FAM184B: variants seen among roughly 807,000 people sequenced by gnomAD.
FAM184B encodes protein FAM184B.
In FAM184B, 111 loss-of-function variants were observed where a neutral mutation model predicts 135.9. The ratio of observed to expected loss-of-function variants is 0.82; its 90% confidence interval spans 0.70 to 0.96. The LOEUF is 0.96. Ranked by LOEUF, FAM184B falls within the 40% of genes least tolerant of loss-of-function variation. The pLI is 0.00. For missense variants in FAM184B, 1,375 were observed against 1,323.9 expected (o/e 1.04, Z -0.60); for synonymous variants, 552 against 524.8 (o/e 1.05, Z -0.71).
intron 7 of FAM184B, among the ~76,000 whole-genome samples, chr4:17,679,443 G>A (rs1318221046): frequency 2.6e-5 from 4 of 152,054 alleles, no homozygotes; most frequent in African/African-American, 7.2e-5. Flanking sequence ...TAATGATCAC[G>A]GAAATGCAAA....
intron 12 of FAM184B, 97 bp from the exon 13 acceptor site, chr4:17,642,325 G>A: frequency 1.5e-6 from 2 of 1,378,772 alleles, no homozygotes; most frequent in African/African-American, 1.5e-5. Flanking sequence ...GAGACCCACT[G>A]GCACCCCGCC....
chr4:17,755,175 C>T (rs1405767712), intron 1 of FAM184B, among the ~76,000 whole-genome samples: 1 of 152,004 alleles, frequency 6.6e-6, no homozygotes, highest in Non-Finnish European at 1.5e-5. Context: ...TCTTTTATAC[C>T]TCAATTTGAA....
In FAM184B at chr4:17,781,115, C is replaced by A. The variant is rs554458093; in HGVS notation, c.141+44G>T. 2.8e-5 allele frequency: 41 copies of A among 1,465,730 alleles called. No homozygotes were observed. Among genetic ancestry groups the A allele is most frequent in the South Asian group, 2.3e-4 (16 of 70,316 alleles). The allele number at this position is 1,465,730 out of a possible 1,614,324, so 90.8% of individuals were successfully genotyped here. On this transcript the variant is annotated intron_variant, in intron 1 of 17. Transcript: ENST00000265018. This position sits in a 1 kb window ranked among gnomAD's most constrained non-coding sequence, Gnocchi z 6.5. Reference sequence around the variant, plus strand: ...CATCCGCACTGACTCCCGGCTCGGGCGCCCCGGGCGTGCAGCTCGCTGGCC... The same window carrying A: ...CATCCGCACTGACTCCCGGCTCGGGAGCCCCGGGCGTGCAGCTCGCTGGCC...
Position 17,725,343 on chromosome 4 carries a change from C to T in FAM184B, c.142-15699G>A, listed in dbSNP as rs541211935. Among the ~76,000 whole-genome samples the T allele has an allele frequency of 7.9e-5, 12 of 152,316 alleles. No homozygotes were observed. The South Asian group carries it at 8.3e-4, about 11-fold the overall frequency. ...GATGTGTTATGTGCAAGTGGATTTA[C>T]GCAGTGCTGCCTGGGAAAAAGAGGC... On this transcript the variant is annotated intron_variant, in intron 1 of 17. Coordinates refer to ENST00000265018, the MANE Select transcript of FAM184B (RefSeq NM_015688.2).
intron 1 of FAM184B, among the ~76,000 whole-genome samples, chr4:17,738,882 C>T (rs908051479): frequency 3.3e-5 from 5 of 152,146 alleles, no homozygotes; most frequent in Non-Finnish European, 5.9e-5. Context: ...CCCCTCCCTT[C>T]TCACTCGTTT....
chr4:17,632,038 T>A lies in FAM184B; in HGVS notation c.*494A>T. The A allele has an allele frequency of 6.9e-6, 1 of 145,512 alleles. No homozygotes were observed. Among genetic ancestry groups the A allele is most frequent in the Admixed American group, 7.1e-5 (1 of 14,110 alleles). The allele number at this position is 145,512 out of a possible 1,614,324, so 9.0% of individuals were successfully genotyped here. A position where few individuals can be genotyped will look rare whatever the true frequency, so the allele number is the denominator to read the frequency against. ...ATGACTTTTAATAACACTGGTTTAA[T>A]GTCAATTTTTTTTTTTTTTTTTTTT... On this transcript the variant is annotated 3_prime_UTR_variant, in exon 18 of 18. Transcript: ENST00000265018.
Position 17,655,405 on chromosome 4 carries a change from C to T in FAM184B, c.2038-2422G>A, listed in dbSNP as rs75662564. 1.3e-3 allele frequency among the ~76,000 whole-genome samples: 192 copies of T among 152,248 alleles called. 2 individuals are homozygous for T. Among genetic ancestry groups the T allele is most frequent in the African/African-American group, 4.6e-3 (191 of 41,556 alleles). On this transcript the variant is annotated intron_variant, in intron 10 of 17. Transcript: ENST00000265018. The stretch of plus-strand genomic sequence containing the variant: ...CACTCACTTGCTCAGGAGCCCTTGG[C>T]AGTGAGGATCACACAGGGTGCAGCA...
intron 5 of FAM184B, among the ~76,000 whole-genome samples, chr4:17,694,593 A>G (rs1716812347): frequency 6.6e-6 from 1 of 152,184 alleles, no homozygotes; most frequent in African/African-American, 2.4e-5. Flanking sequence ...AAATTGTGCA[A>G]GTATCTAGAG....
chr4:17,632,695 CT>C, intron 17 of FAM184B, 70 bp from the exon 18 acceptor site: 1 of 1,015,240 alleles, frequency 9.8e-7, no homozygotes, highest in East Asian at 2.7e-5. Context: ...TACCCACCAT[CT>C]TTTCAGGGAA....
chr4:17,742,168 A>ATATTTTT (rs1459958150), intron 1 of FAM184B, among the ~76,000 whole-genome samples: 4 of 109,308 alleles, frequency 3.7e-5, no homozygotes, highest in African/African-American at 1.9e-4. Context: ...ATATATATAT[A>ATATTTTT]TTTTTTTTTT....
At chr4:17,695,685 T>C (rs11722170) in intron 5 of FAM184B, among the ~76,000 whole-genome samples, 147,932 of 152,182 alleles carry the variant, frequency 0.97, 72,032 homozygotes, top group East Asian at 1. Context: ...AGGATGACAC[T>C]AGGAGAGAAT....
Position 17,640,018 on chromosome 4 carries a change from C to CG in FAM184B, c.2520-623dup, listed in dbSNP as rs1419768339. On this transcript the variant is annotated intron_variant, in intron 13 of 17. Transcript: ENST00000265018. ...CAATTTTTTGTATTTTTAGTAAAGA[C>CG]GGGGGGTTTCACCATGTTGGCCAGG... Among the ~76,000 whole-genome samples, 57 of 151,264 alleles carry CG rather than the reference C, an allele frequency of 3.8e-4. 2 individuals carry two copies. In the East Asian group the frequency reaches 7.7e-3, roughly 20 times the overall value.
At position 17,647,801 on chromosome 4, in the gene FAM184B, G is replaced by GGA; in HGVS notation, c.2192-12_2192-11dup. The GGA allele has an allele frequency of 6.5e-7, 1 of 1,548,482 alleles. No homozygotes were observed. Among genetic ancestry groups the GGA allele is most frequent in the Non-Finnish European group, 8.7e-7 (1 of 1,145,826 alleles). ...TCCTGTCTGAGCGACTCTGGAAAAGGGAGAGCAGCAGTGAGTTAGGCGTTG... is the reference window on the plus strand; with the variant it reads ...TCCTGTCTGAGCGACTCTGGAAAAGGGAGAGAGCAGCAGTGAGTTAGGCGTTG... On this transcript the variant is annotated splice_polypyrimidine_tract_variant and intron_variant, in intron 11 of 17. Coordinates refer to ENST00000265018, the MANE Select transcript of FAM184B (RefSeq NM_015688.2).
chr4:17,774,996 T>TC (rs545879592), intron 1 of FAM184B, among the ~76,000 whole-genome samples: 2 of 132,352 alleles, frequency 1.5e-5, no homozygotes, highest in African/African-American at 5.8e-5. Context: ...CCTTTTCTTT[T>TC]TTTTTTTTTT....
At chr4:17,685,629 G>A (rs1172499527) in intron 7 of FAM184B, among the ~76,000 whole-genome samples, 1 of 150,518 alleles carries the variant, frequency 6.6e-6, no homozygotes, top group Non-Finnish European at 1.5e-5. Flanking sequence ...ACAGGCACTT[G>A]TATTCTGGAC....
chr4:17,758,442 G>A (rs1279935469), intron 1 of FAM184B, among the ~76,000 whole-genome samples: 1 of 152,200 alleles, frequency 6.6e-6, no homozygotes, highest in Non-Finnish European at 1.5e-5. Context: ...CTAACTGACT[G>A]CCTACCTGTA....
chr4:17,635,552 C>T (rs1336362564), intron 15 of FAM184B, among the ~76,000 whole-genome samples: 2 of 151,162 alleles, frequency 1.3e-5, no homozygotes, highest in African/African-American at 2.5e-5. Context: ...TATGGCCGAT[C>T]TTGTTTGTGT....
rs924192911 is a variant in FAM184B, at chr4:17,781,327, C to T, written c.-28G>A. The T allele has an allele frequency of 6.7e-7, 1 of 1,498,594 alleles. No homozygotes were observed. Among genetic ancestry groups the T allele is most frequent in the Non-Finnish European group, 9.0e-7 (1 of 1,116,456 alleles). The allele number at this position is 1,498,594 out of a possible 1,614,324, so 92.8% of individuals were successfully genotyped here. ...CTAAAACGCGCCCAGCACTCAGACT[C>T]TCTCGTTTTCTCCCTGCCCACCGTG... On this transcript the variant is annotated 5_prime_UTR_variant, in exon 1 of 18. Transcript: ENST00000265018. This position sits in a 1 kb window ranked among gnomAD's most constrained non-coding sequence, Gnocchi z 6.5.
chr4:17,695,954 C>A (rs958959231), intron 5 of FAM184B, among the ~76,000 whole-genome samples: 2 of 152,110 alleles, frequency 1.3e-5, no homozygotes, highest in Non-Finnish European at 2.9e-5. Context: ...AAGAACCAAG[C>A]CCTCGGACAC....
Sources: allele counts gnomAD v4.1 joint callset (sites outside exome capture counted in the v4.1 genomes callset), GRCh38; gene constraint gnomAD v4.1.1; non-coding constraint Gnocchi (gnomAD v3.1); transcripts MANE v1.5; gene names NCBI Gene and HGNC (gene_info 2026-07-23, HGNC 2026-07-21).